CAMTA1: variants seen among roughly 807,000 people sequenced by gnomAD.
The protein encoded by CAMTA1 is calmodulin binding transcription activator 1.
A neutral mutation model predicts 170.9 loss-of-function variants in CAMTA1; 27 were observed. The ratio of observed to expected loss-of-function variants is 0.16; its 90% CI spans 0.12 to 0.22. The LOEUF (loss-of-function observed/expected upper bound fraction) is 0.22, where lower values mean the gene tolerates loss of function less well. CAMTA1 is among the 10% of genes least tolerant of loss of function. The pLI, the probability that CAMTA1 is intolerant of heterozygous loss-of-function variation, is 1.00. For missense variants in CAMTA1, 1,619 were observed against 2,217.2 expected (o/e 0.73, Z 5.42); for synonymous variants, 833 against 891.5 (o/e 0.93, Z 1.17).
At chr1:7,137,198 A>G (rs1302778113) in intron 4 of CAMTA1, among the ~76,000 whole-genome samples, 3 of 152,132 alleles carry the variant, frequency 2.0e-5, no homozygotes, top group Non-Finnish European at 2.9e-5. Flanking sequence ...TTGTGGCTCC[A>G]CCTTCAAAAT....
chr1:7,033,549 A>T (rs189456703), intron 3 of CAMTA1, among the ~76,000 whole-genome samples: 1 of 145,248 alleles, frequency 6.9e-6, no homozygotes, highest in Non-Finnish European at 1.5e-5. Context: ...TGAATTTATC[A>T]TATTGGGTAC....
chr1:7,270,179 A>G (rs182219417), intron 5 of CAMTA1, among the ~76,000 whole-genome samples: 1 of 150,770 alleles, frequency 6.6e-6, no homozygotes, highest in East Asian at 1.9e-4. Context: ...TAGCAGATCT[A>G]TACTACAGGA....
chr1:6,789,448 T>C (rs1028791412), intron 1 of CAMTA1, among the ~76,000 whole-genome samples: 2 of 152,220 alleles, frequency 1.3e-5, no homozygotes, highest in African/African-American at 2.4e-5. Flanking sequence ...AACGTTTTTT[T>C]CCCCACTGTT....
chr1:7,762,830 A>G (rs1014272238), intron 22 of CAMTA1, among the ~76,000 whole-genome samples: 4 of 152,200 alleles, frequency 2.6e-5, no homozygotes, highest in Admixed American at 2.6e-4. Context: ...AATGTTTTTT[A>G]TTAATAAAAT....
At chr1:7,352,771 A>G (rs950235943) in intron 5 of CAMTA1, among the ~76,000 whole-genome samples, 1 of 152,142 alleles carries the variant, frequency 6.6e-6, no homozygotes, top group Non-Finnish European at 1.5e-5. Context: ...AGACCTTTCC[A>G]AGTATCTCAC....
intron 4 of CAMTA1, among the ~76,000 whole-genome samples, chr1:7,129,344 G>A (rs1456784006): frequency 1.3e-5 from 2 of 152,062 alleles, no homozygotes; most frequent in African/African-American, 4.8e-5. Flanking sequence ...GAGCCTTCCC[G>A]AGAAAGGTTA....
chr1:7,678,694 A>G (rs1001339078), intron 11 of CAMTA1, among the ~76,000 whole-genome samples: 4 of 152,186 alleles, frequency 2.6e-5, no homozygotes, highest in African/African-American at 9.6e-5. Context: ...AGGTGAGCCC[A>G]CAGAGGTGAC....
In CAMTA1 at chr1:7,655,125, C is replaced by CA. The variant is rs2095880851; in HGVS notation, c.665-6601_665-6600insA. Among the ~76,000 whole-genome samples, 4 of 136,310 alleles carry CA rather than the reference C, an allele frequency of 2.9e-5. 1 individual carries two copies. Among genetic ancestry groups the CA allele is most frequent in the Non-Finnish European group, 6.3e-5 (4 of 63,796 alleles). 89.4% of individuals were successfully genotyped at this position (136,310 alleles called of 152,430 possible). ...ACCTATACACACACCTATACACACA[C>CA]CTCTATACACACAAACCCACCTATA... On this transcript the variant is annotated intron_variant, in intron 7 of 22. Coordinates refer to ENST00000303635, the MANE Select transcript of CAMTA1 (RefSeq NM_015215.4).
intron 3 of CAMTA1, among the ~76,000 whole-genome samples, chr1:6,993,562 T>C (rs1696721857): frequency 6.6e-6 from 1 of 152,230 alleles, no homozygotes. Flanking sequence ...ATTAGGCACA[T>C]GCACAATTAT....
intron 6 of CAMTA1, among the ~76,000 whole-genome samples, chr1:7,604,682 T>C (rs2095472105): frequency 6.6e-6 from 1 of 152,242 alleles, no homozygotes; most frequent in African/African-American, 2.4e-5. Flanking sequence ...TCTCAACTCG[T>C]CAAAGTCATT....
intron 6 of CAMTA1, among the ~76,000 whole-genome samples, chr1:7,602,371 G>C (rs1322854873): frequency 6.6e-6 from 1 of 151,800 alleles, no homozygotes; most frequent in East Asian, 1.9e-4. Flanking sequence ...ACTTCTTCCT[G>C]GTTTAGTCTT....
chr1:7,422,013 C>A (rs1278039416), intron 5 of CAMTA1, among the ~76,000 whole-genome samples: 2 of 152,112 alleles, frequency 1.3e-5, no homozygotes, highest in East Asian at 1.9e-4. Context: ...TTCCTCATCA[C>A]CTCTTCCAGC....
chr1:7,359,262 C>T (rs1388211205), intron 5 of CAMTA1, among the ~76,000 whole-genome samples: 1 of 151,936 alleles, frequency 6.6e-6, no homozygotes, highest in Admixed American at 6.5e-5. Flanking sequence ...CTGCCATGTG[C>T]AGGGACCATG....
intron 5 of CAMTA1, among the ~76,000 whole-genome samples, chr1:7,267,107 A>G (rs1437674338): frequency 1.3e-5 from 2 of 152,126 alleles, no homozygotes; most frequent in Non-Finnish European, 2.9e-5. Context: ...ATGGAGTGGA[A>G]AGGCTAAGAG....
chr1:7,455,527 C>T lies in CAMTA1; in HGVS notation c.439-12303C>T, dbSNP rs1315989466. 6.6e-6 allele frequency among the ~76,000 whole-genome samples: 1 copy of T among 152,208 alleles called. No individual in the cohort carries two copies. The highest frequency in any genetic ancestry group is 6.5e-5 in the Admixed American group (1 of 15,288). ...GCCTTGCATTAACATAGCCACAGAC[C>T]GGCCCGGCGTTTCCCTCCACCTGCT... On this transcript the variant is annotated intron_variant, in intron 5 of 22. Coordinates refer to ENST00000303635, the MANE Select transcript of CAMTA1 (RefSeq NM_015215.4). This position sits in a 1 kb window ranked among gnomAD's most constrained non-coding sequence, Gnocchi z 5.0.
chr1:7,355,491 T>C (rs1367251159), intron 5 of CAMTA1, among the ~76,000 whole-genome samples: 4 of 152,206 alleles, frequency 2.6e-5, no homozygotes, highest in Non-Finnish European at 5.9e-5. Flanking sequence ...TCTTTCCCTC[T>C]CTTCCTTATT....
intron 5 of CAMTA1, among the ~76,000 whole-genome samples, chr1:7,323,049 T>A (rs1234086886): frequency 6.6e-6 from 1 of 151,022 alleles, no homozygotes; most frequent in African/African-American, 2.4e-5. Flanking sequence ...TTTTGTGTGT[T>A]GATTCAATTT....
chr1:6,919,800 C>G (rs1305704812), intron 3 of CAMTA1, among the ~76,000 whole-genome samples: 1 of 152,122 alleles, frequency 6.6e-6, no homozygotes, highest in Non-Finnish European at 1.5e-5. Context: ...CAGGGAAACT[C>G]CCCCTTATAA....
At chr1:7,103,805 T>G (rs1643152658) in intron 4 of CAMTA1, among the ~76,000 whole-genome samples, 1 of 134,844 alleles carries the variant, frequency 7.4e-6, no homozygotes. Flanking sequence ...AACGCACATA[T>G]ACATACAACT....
Sources: gnomAD v4.1 joint callset for allele counts (sites outside exome capture counted in the v4.1 genomes callset) on GRCh38, gnomAD v4.1.1 for gene constraint, Gnocchi (gnomAD v3.1) non-coding constraint, MANE v1.5 for transcripts, NCBI Gene and HGNC (gene_info 2026-07-23, HGNC 2026-07-21) for gene names.